Variants in SSR3 observed in about 807,000 individuals in gnomAD.
The protein encoded by SSR3 is translocon-associated protein subunit gamma.
SSR3 carries 10 observed loss-of-function variants against 22.1 expected under a neutral mutation model. The observed-to-expected ratio is 0.45, with a 90% CI of 0.28 to 0.77. The LOEUF is 0.77. Among genes scored for constraint, SSR3 ranks in the 30% least tolerant of loss-of-function variants. The pLI, the probability that SSR3 is intolerant of heterozygous loss-of-function variation, is 0.13. For missense variants in SSR3, 181 were observed against 220.5 expected (o/e 0.82, Z 1.13); for synonymous variants, 104 against 82.5 (o/e 1.26, Z -1.42).
intron 3 of SSR3, among the ~76,000 whole-genome samples, chr3:156,546,199 AGTGAGGGAGTTG>A (rs1719754331): frequency 6.6e-6 from 1 of 152,242 alleles, no homozygotes; most frequent in Admixed American, 6.5e-5. Flanking sequence ...CTCTCGTGAC[AGTGAGGGAGTTG>A]TCACAAAATC....
At chr3:156,553,898 T>C in intron 1 of SSR3, 117 bp from the exon 2 acceptor site, 3 of 1,010,264 alleles carry the variant, frequency 3.0e-6, no homozygotes, top group Non-Finnish European at 4.2e-6. Flanking sequence ...TTATTAGTTA[T>C]GCAATCCAAT....
chr3:156,550,849 AT>A lies in SSR3; in HGVS notation c.261-1847del, dbSNP rs142653670. On this transcript the variant is annotated intron_variant, in intron 2 of 4. Coordinates refer to ENST00000265044, the MANE Select transcript of SSR3 (RefSeq NM_007107.5). The stretch of plus-strand genomic sequence containing the variant: ...TTATGTGCCAGACTCTATGCTTAAC[AT>A]GTATGATCATAATGAATCCTCACCA... Among the ~76,000 whole-genome samples, 210 of 152,332 alleles carry A rather than the reference AT, an allele frequency of 1.4e-3. 1 individual carries two copies. The highest frequency in any genetic ancestry group is 5.0e-3 in the African/African-American group (207 of 41,580).
chr3:156,550,826 A>C, intron 2 of SSR3, among the ~76,000 whole-genome samples: 1 of 152,246 alleles, frequency 6.6e-6, no homozygotes, highest in East Asian at 1.9e-4. Flanking sequence ...AACATTTATT[A>C]TGTGCCAGAC....
At chr3:156,549,040 G>A in intron 2 of SSR3, 37 bp from the exon 3 acceptor site, 1 of 1,586,856 alleles carries the variant, frequency 6.3e-7, no homozygotes, top group Non-Finnish European at 8.5e-7. Flanking sequence ...GTTTCCATAT[G>A]CTACAGAGGT....
intron 3 of SSR3, among the ~76,000 whole-genome samples, chr3:156,546,273 C>A (rs769486144): frequency 3.3e-5 from 5 of 152,208 alleles, no homozygotes; most frequent in Non-Finnish European, 5.9e-5. Flanking sequence ...CTCCTGCCAC[C>A]TTGTGTAGAA....
Position 156,542,953 on chromosome 3 carries a change from G to A in SSR3, c.*250C>T. On this transcript the variant is annotated 3_prime_UTR_variant, in exon 5 of 5. Transcript: ENST00000265044. Reference sequence around the variant, plus strand: ...GTTATTTTCTCCTCTTGTGATTACAGCACATTGCAAGACATTTTTTTCCTT... The same window carrying A: ...GTTATTTTCTCCTCTTGTGATTACAACACATTGCAAGACATTTTTTTCCTT... The A allele has an allele frequency of 2.4e-6, 1 of 419,832 alleles. No homozygotes were observed. Among genetic ancestry groups the A allele is most frequent in the South Asian group, 7.7e-5 (1 of 13,002 alleles). The allele number at this position is 419,832 out of a possible 1,614,324, so 26.0% of individuals were successfully genotyped here. A position where few individuals can be genotyped will look rare whatever the true frequency, so the allele number is the denominator to read the frequency against.
chr3:156,554,910 C>G, intron 1 of SSR3, 47 bp downstream of exon 1: 1 of 1,587,904 alleles, frequency 6.3e-7, no homozygotes, highest in Non-Finnish European at 8.6e-7. Flanking sequence ...CCCGCCCAGC[C>G]CGACTAGCCG....
Position 156,555,060 on chromosome 3 carries a change from C to A in SSR3, c.30G>T (p.Gln10His). The A allele has an allele frequency of 1.2e-6, 2 of 1,613,968 alleles. No individual in the cohort carries two copies. The highest frequency in any genetic ancestry group is 2.2e-5 in the East Asian group (1 of 44,880). Residue 10 changes from glutamine (Q) to histidine (H), a missense_variant, in exon 1 of 5, where the codon CAG (glutamine) becomes CAT (histidine). Transcript: ENST00000265044. Reference sequence around the variant, plus strand: ...CCTGCAGGAGCAGGTCCTCCTCAGACTGCTGTTTGGAGCTGCCTTTAGGAG... The same window carrying A: ...CCTGCAGGAGCAGGTCCTCCTCAGAATGCTGTTTGGAGCTGCCTTTAGGAG... MAPKGSSKQ[Q>H]SEEDLLLQDF...
intron 2 of SSR3, among the ~76,000 whole-genome samples, chr3:156,552,250 G>C (rs1719988025): frequency 1.3e-5 from 2 of 150,292 alleles, no homozygotes; most frequent in Non-Finnish European, 2.9e-5. Context: ...GTTGCAGTAA[G>C]CCAAGATTGG....
intron 2 of SSR3, among the ~76,000 whole-genome samples, chr3:156,550,920 C>G (rs546700620): frequency 3.3e-5 from 5 of 152,262 alleles, no homozygotes; most frequent in African/African-American, 1.2e-4. Flanking sequence ...GCTGAGGAAT[C>G]TGAAGTCTAC....
At chr3:156,546,073 A>G (rs2108446835) in intron 3 of SSR3, among the ~76,000 whole-genome samples, 1 of 152,328 alleles carries the variant, frequency 6.6e-6, no homozygotes, top group South Asian at 2.1e-4. Context: ...ATAAGAAGTG[A>G]TATGGTTTGG....
In SSR3 at chr3:156,555,082, G is replaced by C. The variant is rs1204921911; in HGVS notation, c.8C>G (p.Pro3Arg). 2 of 1,613,624 alleles carry C rather than the reference G, an allele frequency of 1.2e-6. No homozygotes were observed. Among genetic ancestry groups the C allele is most frequent in the Non-Finnish European group, 8.5e-7 (1 of 1,179,896 alleles). MA[P>R]KGSSKQQSEE... ...AGACTGCTGTTTGGAGCTGCCTTTA[G>C]GAGCCATGGCGGAGCTGCAGGCGAG... Residue 3 changes from proline to arginine, a missense_variant, in exon 1 of 5, where the codon CCT becomes CGT. Pro to Arg is a moderately radical substitution (Grantham distance 103, BLOSUM62 -2). Transcript: ENST00000265044.
rs569729858 is a variant in SSR3, at chr3:156,550,013, C to G, written c.261-1010G>C. On this transcript the variant is annotated intron_variant, in intron 2 of 4. Transcript: ENST00000265044. ...TATCTTTTTTCATATGCTTCTTGCA[C>G]TTCGGATACACTCAGCTCCAAAGGC... 1.5e-4 allele frequency among the ~76,000 whole-genome samples: 23 copies of G among 152,322 alleles called. 1 individual carries two copies. In the South Asian group the frequency reaches 4.8e-3, roughly 32 times the overall value.
chr3:156,553,884 C>G (rs545143003), intron 1 of SSR3, 103 bp from the exon 2 acceptor site: 1 of 1,211,824 alleles, frequency 8.3e-7, no homozygotes, highest in Non-Finnish European at 1.1e-6. Context: ...GGTAAAATAC[C>G]AGGTTATTAG....
Position 156,540,661 on chromosome 3 carries a change from TGAAG to T in SSR3, c.*2538_*2541del, listed in dbSNP as rs1348951721. The T allele has an allele frequency of 8.1e-6, 1 of 123,540 alleles. No homozygotes were observed. The highest frequency in any genetic ancestry group is 1.8e-5 in the Non-Finnish European group (1 of 56,082). The allele number at this position is 123,540 out of a possible 1,614,324, so 7.7% of individuals were successfully genotyped here. ...ATCCAAGATTTTTATTAAGTTAAAA[TGAAG>T]GAACTAAAAATAGGTAAATGAAAAT... On this transcript the variant is annotated 3_prime_UTR_variant, in exon 5 of 5. Transcript: ENST00000265044.
intron 1 of SSR3, among the ~76,000 whole-genome samples, chr3:156,554,278 T>C (rs1266355023): frequency 6.6e-6 from 1 of 152,182 alleles, no homozygotes; most frequent in African/African-American, 2.4e-5. Context: ...AAAATACATT[T>C]AGTTTTAAAT....
chr3:156,540,984 T>C lies in SSR3; in HGVS notation c.*2219A>G, dbSNP rs910566121. ...AACTGTGAGTATATGCTTTATAATCTTATGCACAGAAATGTATCTATTAGT... is the reference window on the plus strand; with the variant it reads ...AACTGTGAGTATATGCTTTATAATCCTATGCACAGAAATGTATCTATTAGT... On this transcript the variant is annotated 3_prime_UTR_variant, in exon 5 of 5. Coordinates refer to ENST00000265044, the MANE Select transcript of SSR3 (RefSeq NM_007107.5). 1 of 152,224 alleles carries C rather than the reference T, an allele frequency of 6.6e-6. No individual in the cohort carries two copies. Among genetic ancestry groups the C allele is most frequent in the Non-Finnish European group, 1.5e-5 (1 of 68,050 alleles). 9.4% of individuals were successfully genotyped at this position (152,224 alleles called of 1,614,324 possible).
intron 3 of SSR3, among the ~76,000 whole-genome samples, chr3:156,547,105 A>T (rs1719792039): frequency 1.3e-5 from 2 of 152,204 alleles, no homozygotes; most frequent in South Asian, 2.1e-4. Context: ...TGGTGGAAAT[A>T]AAAACAGCCA....
chr3:156,550,989 C>T (rs1053757900), intron 2 of SSR3, among the ~76,000 whole-genome samples: 2 of 152,200 alleles, frequency 1.3e-5, no homozygotes, highest in Non-Finnish European at 2.9e-5. Flanking sequence ...GCACTGGAAC[C>T]CAGACTGTCA....
Sources: allele counts gnomAD v4.1 joint callset (sites outside exome capture counted in the v4.1 genomes callset), GRCh38; gene constraint gnomAD v4.1.1; transcripts MANE v1.5; gene names NCBI Gene and HGNC (gene_info 2026-07-23, HGNC 2026-07-21).